TFIP11: variants seen among roughly 807,000 people sequenced by gnomAD.
The protein encoded by TFIP11 is tuftelin-interacting protein 11.
TFIP11 carries 86 observed loss-of-function variants against 96.8 expected under a neutral mutation model. That is an observed-to-expected ratio of 0.89 (90% CI 0.75 to 1.06). The LOEUF (loss-of-function observed/expected upper bound fraction) is 1.06. Ranked by LOEUF, TFIP11 falls within the 50% of genes least tolerant of loss-of-function variation. The pLI is 0.00. For missense variants in TFIP11, 881 were observed against 1,076.7 expected, an observed-to-expected ratio of 0.82 and a Z score of 2.54; for synonymous variants, 405 against 395.2, an observed-to-expected ratio of 1.02 and a Z score of -0.29.
rs1921816030 is a variant in TFIP11, at chr22:26,495,365, C to T, written c.1850-426G>A. Among the ~76,000 whole-genome samples, 3 of 145,264 alleles carry T rather than the reference C, an allele frequency of 2.1e-5. No homozygotes were observed. In the Admixed American group the frequency reaches 2.1e-4, roughly 10 times the overall value. ...AGATCTTGGCTCACTGCAACCTCTG[C>T]CTCCGAGGTTCAAGCCATCCTCCCG... is the stretch of plus-strand genomic sequence containing the variant. On this transcript the variant is annotated intron_variant, in intron 12 of 14. Coordinates refer to ENST00000407690, the MANE Select transcript of TFIP11 (RefSeq NM_012143.4).
At chr22:26,498,327 G>A (rs989555073) in intron 10 of TFIP11, among the ~76,000 whole-genome samples, 4 of 152,130 alleles carry the variant, frequency 2.6e-5, no homozygotes, top group South Asian at 2.1e-4. Context: ...GGTGGATCAC[G>A]AGGTCAGGAG....
In TFIP11 at chr22:26,510,620, A is replaced by G; in HGVS notation, c.-13T>C. ...AGGTTATTTTGTACATTATTACCTT[A>G]GAAAATGAGTAGGTATCTTCTTAGA... On this transcript the variant is annotated 5_prime_UTR_variant, in exon 3 of 15. It removes the in-frame stop codon of an upstream open reading frame in the 5' UTR. Coordinates refer to ENST00000407690, the MANE Select transcript of TFIP11 (RefSeq NM_012143.4). 1 of 213,764 alleles carries G rather than the reference A, an allele frequency of 4.7e-6. No individual in the cohort carries two copies. The highest frequency in any genetic ancestry group is 9.5e-6 in the Non-Finnish European group (1 of 105,634). The allele number at this position is 213,764 out of a possible 1,614,324, so 13.2% of individuals were successfully genotyped here.
At chr22:26,498,789 G>C in intron 10 of TFIP11, 80 bp downstream of exon 10, 2 of 1,125,010 alleles carry the variant, frequency 1.8e-6, no homozygotes, top group Non-Finnish European at 2.7e-6. Context: ...CAGCACTGCT[G>C]CCTTCCCCCA....
intron 5 of TFIP11, 75 bp downstream of exon 5, chr22:26,506,700 C>G: frequency 1.3e-6 from 2 of 1,569,232 alleles, no homozygotes; most frequent in Non-Finnish European, 1.7e-6. Flanking sequence ...GAGTTTCTCC[C>G]TGGCTAGAAA....
At chr22:26,503,855 T>C in intron 6 of TFIP11, 62 bp from the exon 7 acceptor site, 1 of 1,585,280 alleles carries the variant, frequency 6.3e-7, no homozygotes. Flanking sequence ...TGTATGTGAA[T>C]CAGCCACTCA....
rs1250446427 is a variant in TFIP11 at position 26,496,811 on chromosome 22, C to A, written c.1515G>T (p.Val505=). Residue 505 remains valine (V), a synonymous_variant, in exon 11 of 15, where the codon GTG becomes GTT. Transcript: ENST00000407690. ...TGTGCACCCAACTATCCAAAAAGTCCACCATCGGGTCACAGTTCCTTGGCT... is the reference window on the plus strand; with the variant it reads ...TGTGCACCCAACTATCCAAAAAGTCAACCATCGGGTCACAGTTCCTTGGCT... The part of the protein sequence containing the change: ...QWQPRNCDPM[V]DFLDSWVHII... 6.2e-7 allele frequency: 1 copy of A among 1,614,042 alleles called. No homozygotes were observed. The highest frequency in any genetic ancestry group is 8.5e-7 in the Non-Finnish European group (1 of 1,180,048).
At chr22:26,505,010 A>G (rs956654599) in intron 6 of TFIP11, among the ~76,000 whole-genome samples, 5 of 152,162 alleles carry the variant, frequency 3.3e-5, no homozygotes, top group African/African-American at 1.2e-4. Context: ...CAGGAGGTGG[A>G]AGTTGCAGAT....
At position 26,496,771 on chromosome 22, in the gene TFIP11, T is replaced by C; in HGVS notation, c.1555A>G (p.Ile519Val). ...AGTTGGTCCAGTATGTTATCTAAGA[T>C]CCACACAGGAATAATGTGCACCCAA... ...DSWVHIIPVW[I>V]LDNILDQLIF... The change falls in exon 11 of 15, where the codon ATC (isoleucine) becomes GTC (valine). Residue 519 changes from isoleucine (I) to valine (V), a missense_variant. Physicochemically the swap from Ile to Val is conservative, Grantham distance 29. Coordinates refer to ENST00000407690, the MANE Select transcript of TFIP11 (RefSeq NM_012143.4). 6.2e-7 allele frequency: 1 copy of C among 1,614,118 alleles called. No homozygotes were observed. The highest frequency in any genetic ancestry group is 8.5e-7 in the Non-Finnish European group (1 of 1,180,014).
chr22:26,496,971 A>G, intron 10 of TFIP11, 82 bp from the exon 11 acceptor site: 1 of 1,507,858 alleles, frequency 6.6e-7, no homozygotes, highest in Non-Finnish European at 9.1e-7. Context: ...CCTCTCTAGA[A>G]TCAGGAATAA....
At chr22:26,496,946 C>T in intron 10 of TFIP11, 57 bp from the exon 11 acceptor site, 3 of 1,560,532 alleles carry the variant, frequency 1.9e-6, no homozygotes, top group Admixed American at 1.7e-5. Flanking sequence ...TTTCAAAGTA[C>T]ACCACCACCA....
intron 10 of TFIP11, among the ~76,000 whole-genome samples, chr22:26,497,446 T>C (rs1922206000): frequency 6.6e-6 from 1 of 152,258 alleles, no homozygotes; most frequent in Non-Finnish European, 1.5e-5. Context: ...CAACAGACAT[T>C]TGACAAGTGT....
At chr22:26,496,398 G>A in intron 11 of TFIP11, 82 bp from the exon 12 acceptor site, 1 of 1,501,854 alleles carries the variant, frequency 6.7e-7, no homozygotes, top group South Asian at 1.4e-5. Flanking sequence ...GGCAAGAGCT[G>A]CCCCTGGAGG....
At chr22:26,511,635 C>G (rs552495411) in intron 2 of TFIP11, 1 of 152,198 alleles carries the variant, frequency 6.6e-6, no homozygotes, top group African/African-American at 2.4e-5. Context: ...AAGCATGGTG[C>G]ACTACACAAT....
chr22:26,496,820 G>A lies in TFIP11; in HGVS notation c.1506C>T (p.Asp502=). 1.2e-6 allele frequency: 2 copies of A among 1,614,122 alleles called. No individual in the cohort carries two copies. Among genetic ancestry groups the A allele is most frequent in the Non-Finnish European group, 1.7e-6 (2 of 1,180,038 alleles). ...AACTATCCAAAAAGTCCACCATCGG[G>A]TCACAGTTCCTTGGCTGCCACTGGG... The part of the protein sequence containing the change: ...IVTQWQPRNC[D]PMVDFLDSWV... Residue 502 remains aspartate (D), a synonymous_variant, in exon 11 of 15, where the codon GAC becomes GAT. Transcript: ENST00000407690.
chr22:26,499,374 G>A lies in TFIP11; in HGVS notation c.1059C>T (p.Phe353=), dbSNP rs1041649778. Reference sequence around the variant, plus strand: ...CCTCGGTCATCTTCTCCAGCTCGTGGAAGAGGTTGACCACCATGTCCCGCT... The same window carrying A: ...CCTCGGTCATCTTCTCCAGCTCGTGAAAGAGGTTGACCACCATGTCCCGCT... ...QYERDMVVNL[F]HELEKMTEVL... The change falls in exon 9 of 15, where the codon TTC becomes TTT. Residue 353 remains phenylalanine (F), a synonymous_variant. Transcript: ENST00000407690. The A allele has an allele frequency of 3.1e-6, 5 of 1,614,082 alleles. No individual in the cohort carries two copies. Among genetic ancestry groups the A allele is most frequent in the Admixed American group, 1.7e-5 (1 of 60,020 alleles).
chr22:26,506,932 T>A lies in TFIP11; in HGVS notation c.210-4A>T. 1 of 1,613,542 alleles carries A rather than the reference T, an allele frequency of 6.2e-7. No homozygotes were observed. The highest frequency in any genetic ancestry group is 8.5e-7 in the Non-Finnish European group (1 of 1,179,634). On this transcript the variant is annotated splice_region_variant and splice_polypyrimidine_tract_variant and intron_variant, in intron 4 of 14. Coordinates refer to ENST00000407690, the MANE Select transcript of TFIP11 (RefSeq NM_012143.4). ...TGGCGCAGAGTAGTCACGGGCCCTG[T>A]AGGCACAGAAACAAAGCCCCACCAG...
chr22:26,496,641 G>T, intron 11 of TFIP11, 80 bp downstream of exon 11: 1 of 1,522,570 alleles, frequency 6.6e-7, no homozygotes, highest in Admixed American at 1.8e-5. Flanking sequence ...CGTTTTAACA[G>T]CACTGAGATA....
intron 4 of TFIP11, among the ~76,000 whole-genome samples, chr22:26,509,467 C>T (rs118068270): frequency 1.3e-5 from 2 of 152,322 alleles, no homozygotes; most frequent in East Asian, 1.9e-4. Context: ...TTGTTAATGC[C>T]TATTTCCATC....
intron 12 of TFIP11, 26 bp from the exon 13 acceptor site, chr22:26,494,965 G>A: frequency 3.1e-6 from 5 of 1,613,912 alleles, no homozygotes; most frequent in Non-Finnish European, 4.2e-6. Flanking sequence ...GGTCTGTAAG[G>A]CACAGCTTTA....
Sources: gnomAD v4.1 joint callset for allele counts (sites outside exome capture counted in the v4.1 genomes callset) on GRCh38, gnomAD v4.1.1 for gene constraint, MANE v1.5 for transcripts, NCBI Gene and HGNC (gene_info 2026-07-23, HGNC 2026-07-21) for gene names.